LRMDA: variants seen among roughly 807,000 people sequenced by gnomAD.
LRMDA encodes leucine rich melanocyte differentiation associated.
A neutral mutation model predicts 29.8 loss-of-function variants in LRMDA; 18 were observed. The observed-to-expected ratio is 0.60, with a 90% CI of 0.42 to 0.90. LRMDA has a LOEUF of 0.90. Among genes scored for constraint, LRMDA ranks in the 40% least tolerant of loss-of-function variants. The pLI is 0.00. For synonymous variants in LRMDA, 125 were observed against 109.4 expected, an observed-to-expected ratio of 1.14 and a Z score of -0.89; for missense variants, 273 against 273.9, an observed-to-expected ratio of 1.00 and a Z score of 0.02.
chr10:76,504,937 C>T (rs1337211026), intron 6 of LRMDA, among the ~76,000 whole-genome samples: 1 of 151,944 alleles, frequency 6.6e-6, no homozygotes, highest in Non-Finnish European at 1.5e-5. Flanking sequence ...TAGCAGGTAT[C>T]ATTCTTTTGT....
At position 76,276,051 on chromosome 10, in the gene LRMDA, A is replaced by ATCTATCTATCTTTCTTTC. The variant is rs1198060291; in HGVS notation, c.517-48347_517-48346insATCTATCTTTCTTTCTCT. Among the ~76,000 whole-genome samples the ATCTATCTATCTTTCTTTC allele has an allele frequency of 1.2e-3, 151 of 127,588 alleles. 3 individuals are homozygous for ATCTATCTATCTTTCTTTC. In the East Asian group the frequency reaches 0.022, roughly 19 times the overall value. The allele number at this position is 127,588 out of a possible 152,430, so 83.7% of individuals were successfully genotyped here. ...TATCTATCTATCTATCTATCTATCTATCTCTTTCTTTCTCTCTTTCTTTCT... is the reference window on the plus strand; with the variant it reads ...TATCTATCTATCTATCTATCTATCTATCTATCTATCTTTCTTTCTCTCTTTCTTTCTCTCTTTCTTTCT... On this transcript the variant is annotated intron_variant, in intron 5 of 6. Transcript: ENST00000611255.
In LRMDA at chr10:75,659,775, G is replaced by A. The variant is rs570569867; in HGVS notation, c.131+221281G>A. The stretch of plus-strand genomic sequence containing the variant: ...TGTACACTTGAGATTTGCTAAGAGA[G>A]TAGATCTTAAGTGTCTCCCCCTCCT... On this transcript the variant is annotated intron_variant, in intron 2 of 6. Transcript: ENST00000611255. Among the ~76,000 whole-genome samples the A allele has an allele frequency of 3.3e-5, 5 of 152,332 alleles. No homozygotes were observed. The South Asian group carries it at 8.3e-4, about 25-fold the overall frequency.
At chr10:76,301,663 T>C (rs1202036282) in intron 5 of LRMDA, among the ~76,000 whole-genome samples, 1 of 152,188 alleles carries the variant, frequency 6.6e-6, no homozygotes, top group Non-Finnish European at 1.5e-5. Flanking sequence ...AGAGCATAAT[T>C]TCTTATATTC....
At chr10:76,066,407 A>G (rs1367312528) in intron 5 of LRMDA, among the ~76,000 whole-genome samples, 1 of 152,222 alleles carries the variant, frequency 6.6e-6, no homozygotes, top group Non-Finnish European at 1.5e-5. Flanking sequence ...GAGGAAACTG[A>G]TGATCAGATA....
At chr10:75,782,654 C>A in intron 2 of LRMDA, 2 of 991,382 alleles carry the variant, frequency 2.0e-6, no homozygotes, top group Non-Finnish European at 2.5e-6. Flanking sequence ...CTTCTTTTGA[C>A]TTCTAGTCCT....
chr10:76,165,719 T>C (rs144894748), intron 5 of LRMDA, among the ~76,000 whole-genome samples: 73 of 152,280 alleles, frequency 4.8e-4, no homozygotes, highest in African/African-American at 1.7e-3. Context: ...GAATAGCCCC[T>C]TATAAAACCA....
intron 5 of LRMDA, among the ~76,000 whole-genome samples, chr10:76,181,374 C>T (rs1405729254): frequency 2.0e-5 from 3 of 152,204 alleles, no homozygotes; most frequent in Non-Finnish European, 2.9e-5. Flanking sequence ...ATCGTCAGTA[C>T]TTCCCAATTT....
At chr10:76,355,436 GATTA>G (rs1202463962) in intron 6 of LRMDA, among the ~76,000 whole-genome samples, 1 of 152,114 alleles carries the variant, frequency 6.6e-6, no homozygotes, top group Non-Finnish European at 1.5e-5. Context: ...TATGAGAATG[GATTA>G]ATTTAGTTCC....
intron 5 of LRMDA, among the ~76,000 whole-genome samples, chr10:76,062,029 C>T (rs527601073): frequency 5.9e-5 from 9 of 152,270 alleles, no homozygotes; most frequent in South Asian, 4.1e-4. Flanking sequence ...TACCCGCTTC[C>T]GTCTCTGTGT....
At chr10:76,255,060 C>T (rs1352497089) in intron 5 of LRMDA, among the ~76,000 whole-genome samples, 4 of 152,220 alleles carry the variant, frequency 2.6e-5, no homozygotes, top group Non-Finnish European at 5.9e-5. Flanking sequence ...TAGCCAGCAA[C>T]ATGATTTGTT....
intron 2 of LRMDA, among the ~76,000 whole-genome samples, chr10:75,717,426 C>A (rs1589169072): frequency 6.6e-6 from 1 of 152,196 alleles, no homozygotes; most frequent in Non-Finnish European, 1.5e-5. Context: ...AAGGCTTGAG[C>A]ACATAAAACG....
At chr10:75,876,898 C>T (rs953478026) in intron 2 of LRMDA, among the ~76,000 whole-genome samples, 1 of 152,178 alleles carries the variant, frequency 6.6e-6, no homozygotes, top group Non-Finnish European at 1.5e-5. Context: ...CAGCTGTGCC[C>T]CACCCCCAGG....
chr10:76,439,354 A>G (rs1198027184), intron 6 of LRMDA, among the ~76,000 whole-genome samples: 1 of 152,202 alleles, frequency 6.6e-6, no homozygotes, highest in East Asian at 1.9e-4. Flanking sequence ...TAATATTGCC[A>G]TTAGTTTTGC....
At chr10:75,809,170 A>G (rs962539200) in intron 2 of LRMDA, among the ~76,000 whole-genome samples, 22 of 152,086 alleles carry the variant, frequency 1.4e-4, no homozygotes, top group African/African-American at 5.1e-4. Flanking sequence ...TGTCAGTAGC[A>G]CTCGGGGAGG....
intron 5 of LRMDA, among the ~76,000 whole-genome samples, chr10:76,127,062 A>G (rs1849896448): frequency 6.6e-6 from 1 of 152,208 alleles, no homozygotes; most frequent in Non-Finnish European, 1.5e-5. Context: ...GGAAATGCCA[A>G]GTGGATGTTC....
chr10:75,500,979 G>A (rs1845106717), intron 2 of LRMDA, among the ~76,000 whole-genome samples: 1 of 152,154 alleles, frequency 6.6e-6, no homozygotes, highest in Non-Finnish European at 1.5e-5. Flanking sequence ...CAGTCTCCTG[G>A]ACAGATTCTC....
At chr10:76,175,647 A>C (rs1589364071) in intron 5 of LRMDA, among the ~76,000 whole-genome samples, 2 of 152,162 alleles carry the variant, frequency 1.3e-5, no homozygotes, top group South Asian at 4.1e-4. Flanking sequence ...TCCAGATTTT[A>C]TTTGGCTCCG....
At position 75,825,982 on chromosome 10, in the gene LRMDA, C is replaced by T. The variant is rs141343227; in HGVS notation, c.132-210026C>T. On this transcript the variant is annotated intron_variant, in intron 2 of 6. Transcript: ENST00000611255. ...GAGGTGGGACTTTCTCTGTCTCCTG[C>T]TCCCTTTCTAGTCTGTAAAATGGAG... Among the ~76,000 whole-genome samples, 172 of 152,302 alleles carry T rather than the reference C, an allele frequency of 1.1e-3. 2 individuals carry two copies. Among genetic ancestry groups the T allele is most frequent in the African/African-American group, 4.0e-3 (168 of 41,560 alleles).
chr10:76,237,785 CT>C lies in LRMDA; in HGVS notation c.517-86592del, dbSNP rs33976322. Among the ~76,000 whole-genome samples, 318 of 84,112 alleles carry C rather than the reference CT, an allele frequency of 3.8e-3. 2 individuals carry two copies. The highest frequency in any genetic ancestry group is 7.4e-3 in the Admixed American group (50 of 6,726). 55.2% of individuals were successfully genotyped at this position (84,112 alleles called of 152,430 possible). On this transcript the variant is annotated intron_variant, in intron 5 of 6. Coordinates refer to ENST00000611255, the MANE Select transcript of LRMDA (RefSeq NM_001305581.2). ...CTTTCTATTTAAAGGGACAAGAGTGCTTTTTTTTTTTTTTTTTTTTTTTTAA... is the reference window on the plus strand; with the variant it reads ...CTTTCTATTTAAAGGGACAAGAGTGCTTTTTTTTTTTTTTTTTTTTTTTAA...
Sources: allele counts gnomAD v4.1 joint callset (sites outside exome capture counted in the v4.1 genomes callset), GRCh38; gene constraint gnomAD v4.1.1; transcripts MANE v1.5; gene names NCBI Gene and HGNC (gene_info 2026-07-23, HGNC 2026-07-21).